The following KCTD1 variants were observed in gnomAD, a reference collection of about 807,000 sequenced individuals.
The protein encoded by KCTD1 is potassium channel tetramerization domain containing 1, also known as BTB/POZ domain-containing protein KCTD1.
In KCTD1, 24 loss-of-function variants were observed where a neutral mutation model predicts 66.0. The observed-to-expected ratio is 0.36, with a 90% CI of 0.26 to 0.51. The LOEUF is 0.51. Ranked by LOEUF, KCTD1 falls within the 20% of genes least tolerant of loss-of-function variation. The probability of loss-of-function intolerance (pLI) is 0.95; values close to 1 mark genes in which losing one functional copy is unlikely to be tolerated. For synonymous variants in KCTD1, 511 were observed against 517.2 expected, an observed-to-expected ratio of 0.99 and a Z score of 0.16; for missense variants, 943 against 1,205.2, an observed-to-expected ratio of 0.78 and a Z score of 3.22.
intron 1 of KCTD1, among the ~76,000 whole-genome samples, chr18:26,656,376 C>G (rs1196311458): frequency 6.6e-6 from 1 of 152,188 alleles, no homozygotes; most frequent in East Asian, 1.9e-4. Flanking sequence ...GTGCTGTGCC[C>G]TTTATCCGGG....
intron 1 of KCTD1, among the ~76,000 whole-genome samples, chr18:26,558,807 CA>C (rs1351603852): frequency 6.6e-6 from 1 of 152,004 alleles, no homozygotes; most frequent in African/African-American, 2.4e-5. Context: ...CCTGTAGTCC[CA>C]GCTACTCAGG....
chr18:26,654,566 C>T (rs1324315445), intron 1 of KCTD1, among the ~76,000 whole-genome samples: 2 of 152,144 alleles, frequency 1.3e-5, no homozygotes, highest in Non-Finnish European at 2.9e-5. Flanking sequence ...TGTTGGAGAA[C>T]TTTATATATT....
At chr18:26,643,728 C>T (rs983628388), upstream of KCTD1, among the ~76,000 whole-genome samples, 24 of 152,248 alleles carry the variant, frequency 1.6e-4, no homozygotes, top group East Asian at 7.7e-4. Context: ...TTTGGGAGGC[C>T]AAGGCGGGCA....
chr18:26,636,516 C>T (rs1208208674), intron 1 of KCTD1, among the ~76,000 whole-genome samples: 1 of 152,156 alleles, frequency 6.6e-6, no homozygotes, highest in African/African-American at 2.4e-5. Flanking sequence ...GAGTCCCGAC[C>T]GAAACTCCCA....
chr18:26,565,650 T>C (rs1174451953), intron 1 of KCTD1: 2 of 152,204 alleles, frequency 1.3e-5, no homozygotes, highest in Non-Finnish European at 2.9e-5. Flanking sequence ...TGCTGCTTGA[T>C]GCTTGTGTGG....
intron 1 of KCTD1, among the ~76,000 whole-genome samples, chr18:26,582,429 A>G (rs561185937): frequency 7.7e-4 from 118 of 152,352 alleles, no homozygotes; most frequent in African/African-American, 2.6e-3. Flanking sequence ...AGCTAACAAG[A>G]ACACATTGTA....
intron 1 of KCTD1, among the ~76,000 whole-genome samples, chr18:26,542,126 T>C (rs767440995): frequency 6.6e-6 from 1 of 152,194 alleles, no homozygotes; most frequent in Non-Finnish European, 1.5e-5. Flanking sequence ...AGAAAGATGC[T>C]CAGTTAACAG....
intron 1 of KCTD1, among the ~76,000 whole-genome samples, chr18:26,533,630 C>T (rs894522920): frequency 4.6e-5 from 7 of 152,114 alleles, no homozygotes; most frequent in Non-Finnish European, 8.8e-5. Flanking sequence ...CTCCGAGTAG[C>T]TGGGACTACA....
At position 26,656,764 on chromosome 18, in the gene KCTD1, C is replaced by A. The variant is rs377147876; in HGVS notation, c.9+596G>T. The stretch of plus-strand genomic sequence containing the variant: ...AGCGCAGCCCCGGGCGCCGCCGCCC[C>A]CTGCGCGCCCCGCAGAGATGTGCGC... On this transcript the variant is annotated intron_variant, in intron 1 of 4. Coordinates refer to the KCTD1 transcript ENST00000580191. Among the ~76,000 whole-genome samples the A allele has an allele frequency of 2.1e-4, 32 of 151,290 alleles. 2 individuals carry two copies. In the East Asian group the frequency reaches 2.9e-3, roughly 14 times the overall value.
chr18:26,627,754 T>C (rs1476278257), intron 1 of KCTD1, among the ~76,000 whole-genome samples: 1 of 152,240 alleles, frequency 6.6e-6, no homozygotes, highest in African/African-American at 2.4e-5. Context: ...ATGATGTCAT[T>C]AGTTTTTAGT....
intron 1 of KCTD1, among the ~76,000 whole-genome samples, chr18:26,656,318 G>T (rs1283443163): frequency 6.6e-6 from 1 of 151,868 alleles, no homozygotes; most frequent in Non-Finnish European, 1.5e-5. Context: ...TCCCAGCGCC[G>T]CCCCCACCCC....
intron 1 of KCTD1, among the ~76,000 whole-genome samples, chr18:26,635,137 A>G (rs890527863): frequency 2.0e-5 from 3 of 152,118 alleles, no homozygotes; most frequent in African/African-American, 4.8e-5. Context: ...TTCAAAAAAT[A>G]TTGCATTAAA....
At chr18:26,600,311 T>A (rs1986861540) in intron 1 of KCTD1, 1 of 1,579,402 alleles carries the variant, frequency 6.3e-7, no homozygotes, top group Non-Finnish European at 8.7e-7. Flanking sequence ...GAAAAGGCAC[T>A]TCTGAGCAAT....
At chr18:26,563,645 C>T (rs952854157) in intron 1 of KCTD1, among the ~76,000 whole-genome samples, 3 of 152,168 alleles carry the variant, frequency 2.0e-5, no homozygotes, top group African/African-American at 7.2e-5. Context: ...TGGGCTCTGG[C>T]ACCAAACAAC....
intron 1 of KCTD1, chr18:26,542,837 T>C: frequency 6.6e-6 from 1 of 152,192 alleles, no homozygotes; most frequent in East Asian, 1.9e-4. Context: ...TGAACTGACA[T>C]CAGATATGAG....
intron 1 of KCTD1, among the ~76,000 whole-genome samples, chr18:26,528,184 C>T (rs1317043103): frequency 1.3e-5 from 2 of 152,106 alleles, no homozygotes; most frequent in Non-Finnish European, 2.9e-5. Flanking sequence ...TGATCCTCAG[C>T]TTTTGTCTCC....
At chr18:26,526,012 C>A (rs1984141475) in intron 1 of KCTD1, among the ~76,000 whole-genome samples, 1 of 152,092 alleles carries the variant, frequency 6.6e-6, no homozygotes, top group East Asian at 1.9e-4. Context: ...TACACAGCCC[C>A]TGTAGTAGGT....
chr18:26,610,694 G>GAGAA (rs767536782), intron 1 of KCTD1, among the ~76,000 whole-genome samples: 1 of 151,060 alleles, frequency 6.6e-6, no homozygotes, highest in Non-Finnish European at 1.5e-5. Flanking sequence ...AAGAGAGAAA[G>GAGAA]AGAAAGAAAG....
chr18:26,497,676 C>G (rs769396371), intron 2 of KCTD1, among the ~76,000 whole-genome samples: 1 of 152,160 alleles, frequency 6.6e-6, no homozygotes, highest in Non-Finnish European at 1.5e-5. Flanking sequence ...AAGCAATACC[C>G]AATGGTCAAT....
Sources: gnomAD v4.1 joint callset for allele counts (sites outside exome capture counted in the v4.1 genomes callset) on GRCh38, gnomAD v4.1.1 for gene constraint, MANE v1.5 for transcripts, NCBI Gene and HGNC (gene_info 2026-07-23, HGNC 2026-07-21) for gene names.